Variants in GRIK4 observed in about 807,000 individuals in gnomAD.
The protein encoded by GRIK4 is glutamate receptor ionotropic, kainate 4.
Under a neutral mutation model 104.9 loss-of-function variants are expected in GRIK4, and 40 were observed. The observed-to-expected ratio is 0.38, with a 90% confidence interval of 0.30 to 0.50. The LOEUF (loss-of-function observed/expected upper bound fraction) is 0.50, where lower values mean the gene tolerates loss of function less well. Among genes scored for constraint, GRIK4 ranks in the 20% least tolerant of loss-of-function variants. The pLI is 0.93. For synonymous variants in GRIK4, 485 were observed against 524.9 expected (o/e 0.92, Z 1.04); for missense variants, 1,047 against 1,308.1 (o/e 0.80, Z 3.08).
intron 1 of GRIK4, among the ~76,000 whole-genome samples, chr11:120,616,503 A>G (rs1949116355): frequency 6.6e-6 from 1 of 152,176 alleles, no homozygotes; most frequent in Admixed American, 6.5e-5. Flanking sequence ...TTTGGTCTGG[A>G]AGATTTGACC....
intron 1 of GRIK4, among the ~76,000 whole-genome samples, chr11:120,564,149 G>A (rs1407238483): frequency 6.6e-6 from 1 of 152,040 alleles, no homozygotes. Flanking sequence ...TGGAGCCCCA[G>A]CCAGCTCCCT....
chr11:120,604,358 A>G (rs1402528665), intron 1 of GRIK4, among the ~76,000 whole-genome samples: 1 of 152,060 alleles, frequency 6.6e-6, no homozygotes, highest in Non-Finnish European at 1.5e-5. Context: ...TGCTTTTCCT[A>G]TCTCAGGAAG....
Position 120,953,853 on chromosome 11 carries a change from C to T in GRIK4, c.1700+889C>T, listed in dbSNP as rs1944068523. ...TCACTCAGGTCCCTAGTGCTGCTAA[C>T]CCTCCACTTACTGCAGTGGAGGCTC... is the stretch of plus-strand genomic sequence containing the variant. On this transcript the variant is annotated intron_variant, in intron 15 of 20. Transcript: ENST00000527524. This position sits in a 1 kb window ranked among gnomAD's most constrained non-coding sequence, Gnocchi z 4.9. 6.6e-6 allele frequency among the ~76,000 whole-genome samples: 1 copy of T among 152,166 alleles called. No homozygotes were observed. Among genetic ancestry groups the T allele is most frequent in the East Asian group, 1.9e-4 (1 of 5,184 alleles).
intron 4 of GRIK4, among the ~76,000 whole-genome samples, chr11:120,812,117 T>C (rs1267892834): frequency 2.6e-5 from 4 of 152,198 alleles, no homozygotes; most frequent in Non-Finnish European, 5.9e-5. Context: ...CCTGGAACCA[T>C]GGCAGTAGAC....
chr11:120,687,733 T>G (rs1950298199), intron 3 of GRIK4, among the ~76,000 whole-genome samples: 1 of 152,180 alleles, frequency 6.6e-6, no homozygotes, highest in Non-Finnish European at 1.5e-5. Flanking sequence ...CCTGCCGGGT[T>G]GTGTTTTGGT....
At chr11:120,606,009 C>T (rs1343692825) in intron 1 of GRIK4, among the ~76,000 whole-genome samples, 2 of 152,150 alleles carry the variant, frequency 1.3e-5, no homozygotes, top group East Asian at 3.8e-4. Context: ...CTCTTTCCTC[C>T]CATCTCCCTT....
chr11:120,522,624 A>T (rs550326081), intron 1 of GRIK4, among the ~76,000 whole-genome samples: 1 of 152,154 alleles, frequency 6.6e-6, no homozygotes, highest in Non-Finnish European at 1.5e-5. Context: ...CCTGGCTCCC[A>T]TGGGTCTTTG....
intron 3 of GRIK4, among the ~76,000 whole-genome samples, chr11:120,786,808 C>A (rs1952288135): frequency 6.6e-6 from 1 of 152,174 alleles, no homozygotes; most frequent in Non-Finnish European, 1.5e-5. Flanking sequence ...TCAACACCCC[C>A]CACCTACAGC....
At chr11:120,548,929 C>T (rs994179489) in intron 1 of GRIK4, among the ~76,000 whole-genome samples, 14 of 152,202 alleles carry the variant, frequency 9.2e-5, no homozygotes, top group African/African-American at 3.1e-4. Context: ...TGAGACCATA[C>T]GGTGCCTGTC....
At chr11:120,529,337 G>A (rs1023510915) in intron 1 of GRIK4, among the ~76,000 whole-genome samples, 4 of 152,182 alleles carry the variant, frequency 2.6e-5, no homozygotes, top group East Asian at 1.9e-4. Flanking sequence ...GAAGCAAAGC[G>A]ATCGAGCACC....
chr11:120,962,869 A>G, intron 18 of GRIK4, 188 bp downstream of exon 18: 1 of 526,742 alleles, frequency 1.9e-6, no homozygotes, highest in Non-Finnish European at 3.3e-6. Flanking sequence ...CCTTTAATCA[A>G]CGACCAGTGC....
At chr11:120,943,009 G>A (rs1360680158) in intron 14 of GRIK4, among the ~76,000 whole-genome samples, 1 of 151,902 alleles carries the variant, frequency 6.6e-6, no homozygotes, top group Non-Finnish European at 1.5e-5. Flanking sequence ...TTTCTAGGCT[G>A]CCTGCCTTTT....
At chr11:120,982,624 G>C (rs1944670814) in intron 20 of GRIK4, among the ~76,000 whole-genome samples, 1 of 152,070 alleles carries the variant, frequency 6.6e-6, no homozygotes, top group African/African-American at 2.4e-5. Flanking sequence ...TTAGAGACAG[G>C]GTTAACATAA....
intron 1 of GRIK4, among the ~76,000 whole-genome samples, chr11:120,565,090 G>T (rs1024498571): frequency 2.6e-5 from 4 of 152,220 alleles, no homozygotes; most frequent in Admixed American, 6.5e-5. Context: ...CAGGGCCGAG[G>T]CAGTGATGCG....
intron 1 of GRIK4, among the ~76,000 whole-genome samples, chr11:120,616,254 G>A (rs1353291243): frequency 6.6e-6 from 1 of 152,158 alleles, no homozygotes; most frequent in Non-Finnish European, 1.5e-5. Flanking sequence ...AGCCCCAGGA[G>A]CAGAGGGGCC....
At chr11:120,717,223 G>A (rs914235375) in intron 3 of GRIK4, among the ~76,000 whole-genome samples, 2 of 152,192 alleles carry the variant, frequency 1.3e-5, no homozygotes, top group African/African-American at 4.8e-5. Flanking sequence ...CCATTGCAAG[G>A]TAGCTAATGG....
intron 13 of GRIK4, among the ~76,000 whole-genome samples, chr11:120,929,999 G>A (rs1367796670): frequency 1.8e-5 from 1 of 55,670 alleles, no homozygotes. Flanking sequence ...GGCAGGCCAC[G>A]TTTGGGGGGG....
At chr11:120,531,588 T>C (rs548554909) in intron 1 of GRIK4, among the ~76,000 whole-genome samples, 13 of 152,134 alleles carry the variant, frequency 8.5e-5, no homozygotes, top group African/African-American at 2.4e-4. Context: ...TTTTCTTTTT[T>C]TTTTTGAGAC....
intron 19 of GRIK4, among the ~76,000 whole-genome samples, chr11:120,976,633 G>C (rs1944565219): frequency 6.6e-6 from 1 of 152,210 alleles, no homozygotes; most frequent in Non-Finnish European, 1.5e-5. Flanking sequence ...GTGTGGCACA[G>C]AGCTTCAGCA....
Sources: gnomAD v4.1 joint callset for allele counts (sites outside exome capture counted in the v4.1 genomes callset) on GRCh38, gnomAD v4.1.1 for gene constraint, Gnocchi (gnomAD v3.1) non-coding constraint, MANE v1.5 for transcripts, NCBI Gene and HGNC (gene_info 2026-07-23, HGNC 2026-07-21) for gene names.